The following ANKS3 variants were observed in gnomAD, a reference collection of about 807,000 sequenced individuals.
The protein encoded by ANKS3 is ankyrin repeat and SAM domain-containing protein 3.
A neutral mutation model predicts 80.7 loss-of-function variants in ANKS3; 62 were observed. That is an observed-to-expected ratio of 0.77 (90% CI 0.63 to 0.95). The LOEUF (loss-of-function observed/expected upper bound fraction) is 0.95. Ranked by LOEUF, ANKS3 falls within the 40% of genes least tolerant of loss-of-function variation. The pLI, the probability that ANKS3 is intolerant of heterozygous loss-of-function variation, is 0.00. For synonymous variants in ANKS3, 489 were observed against 355.3 expected, an observed-to-expected ratio of 1.38 and a Z score of -4.23; for missense variants, 1,150 against 883.6, an observed-to-expected ratio of 1.30 and a Z score of -3.82.
chr16:4,722,344 G>T (rs1238098557), intron 6 of ANKS3, among the ~76,000 whole-genome samples: 1 of 149,750 alleles, frequency 6.7e-6, no homozygotes. Context: ...ACTTTGGGAG[G>T]CCAGGGCGGG....
chr16:4,732,152 G>T (rs2081651256), intron 1 of ANKS3, among the ~76,000 whole-genome samples: 1 of 145,376 alleles, frequency 6.9e-6, no homozygotes, highest in East Asian at 2.1e-4. Context: ...GGCAAGCAAA[G>T]CCCTCCTTCC....
rs1255438420 is a variant in ANKS3 at position 4,705,391 on chromosome 16, TG to T, written c.710-139del. On this transcript the variant is annotated intron_variant, in intron 7 of 17. Transcript: ENST00000304283. ...AGGGTATCTGCCAGGGCATCACTTC[TG>T]AGAAATGCCCTAACAGGCCGGGGCG... The T allele has an allele frequency of 9.4e-6, 10 of 1,060,114 alleles. No individual in the cohort carries two copies. The East Asian group carries it at 2.6e-4, about 28-fold the overall frequency. The allele number at this position is 1,060,114 out of a possible 1,614,324, so 65.7% of individuals were successfully genotyped here. A position where few individuals can be genotyped will look rare whatever the true frequency, so the allele number is the denominator to read the frequency against.
Position 4,720,250 on chromosome 16 carries a change from T to A in ANKS3, c.573+4500A>T, listed in dbSNP as rs368219742. On this transcript the variant is annotated intron_variant, in intron 6 of 17. Transcript: ENST00000304283. Reference sequence around the variant, plus strand: ...AGACCAAGGCGGGCGGGTCACAAGGTCAAGAGATTGAGACCATCCTGGCCA... The same window carrying A: ...AGACCAAGGCGGGCGGGTCACAAGGACAAGAGATTGAGACCATCCTGGCCA... Among the ~76,000 whole-genome samples the A allele has an allele frequency of 4.8e-4, 68 of 140,842 alleles. 1 individual carries two copies. Among genetic ancestry groups the A allele is most frequent in the South Asian group, 4.8e-3 (21 of 4,414 alleles). The allele number at this position is 140,842 out of a possible 152,430, so 92.4% of individuals were successfully genotyped here.
chr16:4,711,689 G>C (rs1196886869), intron 7 of ANKS3, among the ~76,000 whole-genome samples: 3 of 146,220 alleles, frequency 2.1e-5, no homozygotes, highest in Non-Finnish European at 4.5e-5. Context: ...CTGCACTCCA[G>C]CCTGGGGAAC....
At chr16:4,727,520 G>A (rs1183091713) in intron 3 of ANKS3, 7 of 368,216 alleles carry the variant, frequency 1.9e-5, no homozygotes, top group South Asian at 9.6e-5. Context: ...AACTGGGCAG[G>A]GAAGGGCTGC....
chr16:4,729,855 T>C, intron 3 of ANKS3, 125 bp downstream of exon 3: 1 of 966,868 alleles, frequency 1.0e-6, no homozygotes, highest in South Asian at 3.9e-5. Flanking sequence ...CTGCCTGAGA[T>C]AAGCAGGTTA....
At chr16:4,725,363 G>T (rs140335465) in intron 5 of ANKS3, among the ~76,000 whole-genome samples, 1 of 152,288 alleles carries the variant, frequency 6.6e-6, no homozygotes, top group African/African-American at 2.4e-5. Flanking sequence ...TGCTGGTTTG[G>T]AAGTCAGGAA....
intron 7 of ANKS3, among the ~76,000 whole-genome samples, chr16:4,708,250 G>A (rs2080304812): frequency 6.6e-6 from 1 of 152,116 alleles, no homozygotes; most frequent in African/African-American, 2.4e-5. Context: ...GAAATTAATT[G>A]CAAGATCAAA....
In ANKS3 at chr16:4,707,578, C is replaced by T. The variant is rs1301220360; in HGVS notation, c.710-2325G>A. 2.0e-5 allele frequency among the ~76,000 whole-genome samples: 3 copies of T among 152,202 alleles called. No homozygotes were observed. The East Asian group carries it at 5.8e-4, about 29-fold the overall frequency. On this transcript the variant is annotated intron_variant, in intron 7 of 17. Coordinates refer to ENST00000304283, the MANE Select transcript of ANKS3 (RefSeq NM_133450.4). Reference sequence around the variant, plus strand: ...ATTACAGGTATGGGCCATGCCCAGCCAGAAGGACACTTCTAATACTAAAAG... The same window carrying T: ...ATTACAGGTATGGGCCATGCCCAGCTAGAAGGACACTTCTAATACTAAAAG...
At chr16:4,713,115 CA>C (rs2080585454) in intron 7 of ANKS3, among the ~76,000 whole-genome samples, 1 of 151,854 alleles carries the variant, frequency 6.6e-6, no homozygotes, top group African/African-American at 2.4e-5. Flanking sequence ...ACTGAAAATA[CA>C]AAAAATTAGC....
intron 7 of ANKS3, among the ~76,000 whole-genome samples, chr16:4,713,261 T>A (rs1430322437): frequency 6.6e-6 from 1 of 150,678 alleles, no homozygotes; most frequent in Non-Finnish European, 1.5e-5. Flanking sequence ...AGAGCGAAAC[T>A]CCCGTATCAA....
chr16:4,714,905 T>C (rs1421319058), intron 6 of ANKS3, among the ~76,000 whole-genome samples: 2 of 147,956 alleles, frequency 1.4e-5, no homozygotes, highest in Non-Finnish European at 3.0e-5. Flanking sequence ...GGCAGGAGAA[T>C]TGCTTGAACC....
Position 4,705,682 on chromosome 16 carries a change from C to G in ANKS3, c.710-429G>C, listed in dbSNP as rs571061483. 4.9e-4 allele frequency among the ~76,000 whole-genome samples: 74 copies of G among 151,816 alleles called. No individual in the cohort carries two copies. In the South Asian group the frequency reaches 0.015, roughly 30 times the overall value. ...ACAGGCTTTTGCCATGTTGGCCAGGCTGGTCTCAAACTCCTGATCTGCCTG... is the reference window on the plus strand; with the variant it reads ...ACAGGCTTTTGCCATGTTGGCCAGGGTGGTCTCAAACTCCTGATCTGCCTG... On this transcript the variant is annotated intron_variant, in intron 7 of 17. Transcript: ENST00000304283.
chr16:4,698,055 G>A lies in ANKS3; in HGVS notation c.1732C>T (p.Gln578Ter), dbSNP rs1346284545. The A allele has an allele frequency of 1.2e-6, 2 of 1,607,718 alleles. No individual in the cohort carries two copies. Among genetic ancestry groups the A allele is most frequent in the Middle Eastern group, 3.3e-4 (2 of 6,050 alleles). Residue 578 changes from glutamine (Q) to a stop codon, truncating the protein, a stop_gained, in exon 15 of 18, where the codon CAA (glutamine) becomes TAA (stop). Coordinates refer to ENST00000304283, the MANE Select transcript of ANKS3 (RefSeq NM_133450.4). LOFTEE classifies it high-confidence loss of function. ...CTCACTCGAGATGACAGCTCAGCTT[G>A]ACAGGCTCTGCCAGACACAGAAACA... The part of the protein sequence containing the change: ...ALVLDQLRAC[Q>*]AELSSRVRQD...
At chr16:4,718,562 T>C (rs1201812683) in intron 6 of ANKS3, among the ~76,000 whole-genome samples, 2 of 152,292 alleles carry the variant, frequency 1.3e-5, no homozygotes, top group African/African-American at 2.4e-5. Flanking sequence ...CCTCCAGAAA[T>C]GGAGCCCAGC....
chr16:4,697,367 G>C lies in ANKS3; in HGVS notation c.1860C>G (p.Leu620=). The C allele has an allele frequency of 6.2e-7, 1 of 1,610,114 alleles. No individual in the cohort carries two copies. Residue 620 remains leucine, a synonymous_variant, in exon 16 of 18, where the codon CTC becomes CTG. Coordinates refer to ENST00000304283, the MANE Select transcript of ANKS3 (RefSeq NM_133450.4). ...ASLQAMSLPE[L]SGALEDRVRE... ...GGACACGGTCCTCCAGGGCTCCCGA[G>C]AGCTCGGGGAGGCTCATGGCCTGCA... is the stretch of plus-strand genomic sequence containing the variant.
chr16:4,715,595 C>CA (rs1186476773), intron 6 of ANKS3, among the ~76,000 whole-genome samples: 2 of 151,316 alleles, frequency 1.3e-5, no homozygotes, highest in East Asian at 3.9e-4. Flanking sequence ...GACCTTGTCT[C>CA]AAAAAAATAA....
intron 8 of ANKS3, among the ~76,000 whole-genome samples, chr16:4,704,091 C>G (rs2080062918): frequency 6.6e-6 from 1 of 152,208 alleles, no homozygotes; most frequent in African/African-American, 2.4e-5. Flanking sequence ...CGGGCGGGCC[C>G]TCATGCTGTG....
rs753509675 is a variant in ANKS3, at chr16:4,697,114, G to T, written c.1895-10C>A. 102 of 1,612,662 alleles carry T rather than the reference G, an allele frequency of 6.3e-5. No individual in the cohort carries two copies. The highest frequency in any genetic ancestry group is 8.3e-5 in the Non-Finnish European group (98 of 1,179,510). ...AAGCACAGTGCTTGCCCTGAGGAATGATGACCTTGAGCCTCTCCCGGCCAG... is the reference window on the plus strand; with the variant it reads ...AAGCACAGTGCTTGCCCTGAGGAATTATGACCTTGAGCCTCTCCCGGCCAG... On this transcript the variant is annotated splice_polypyrimidine_tract_variant and intron_variant, in intron 16 of 17. Transcript: ENST00000304283.
Sources: allele counts gnomAD v4.1 joint callset (sites outside exome capture counted in the v4.1 genomes callset), GRCh38; gene constraint gnomAD v4.1.1; transcripts MANE v1.5; gene names NCBI Gene and HGNC (gene_info 2026-07-23, HGNC 2026-07-21).